IRAG2: variants seen among roughly 807,000 people sequenced by gnomAD.
IRAG2 encodes lymphoid restricted membrane protein.
A neutral mutation model predicts 69.9 loss-of-function variants in IRAG2; 45 were observed. The observed-to-expected ratio is 0.64, with a 90% CI of 0.51 to 0.83. IRAG2 has a LOEUF of 0.83. IRAG2 is among the 40% of genes least tolerant of loss of function. The pLI is 0.00. For missense variants in IRAG2, 520 were observed against 587.0 expected (o/e 0.89, Z 1.18); for synonymous variants, 193 against 202.4 (o/e 0.95, Z 0.40).
upstream of IRAG2, among the ~76,000 whole-genome samples, chr12:25,001,617 TGACAGGAGGG>T (rs1453952127): frequency 6.6e-6 from 1 of 152,104 alleles, no homozygotes; most frequent in Non-Finnish European, 1.5e-5. Context: ...CATCATTCAG[TGACAGGAGGG>T]GACAGGATTT....
chr12:25,038,749 G>T (rs860884), intron 16 of IRAG2, among the ~76,000 whole-genome samples: 79,307 of 151,962 alleles, frequency 0.52, 20,866 homozygotes, highest in Admixed American at 0.59. Flanking sequence ...GCCTTAGAGA[G>T]CCTCTAGTAA....
chr12:25,086,314 C>T (rs934868962), intron 10 of IRAG2, among the ~76,000 whole-genome samples: 4 of 152,058 alleles, frequency 2.6e-5, no homozygotes, highest in African/African-American at 9.7e-5. Context: ...AGGCTTATGG[C>T]TTAACCTACC....
At chr12:25,045,425 G>A (rs1453420486) in intron 16 of IRAG2, among the ~76,000 whole-genome samples, 2 of 151,844 alleles carry the variant, frequency 1.3e-5, no homozygotes, top group African/African-American at 4.8e-5. Context: ...GTTTAAAATA[G>A]AAAAGCAATT....
At chr12:25,015,105 A>AAAAAAAAAAAAC (rs1944513118) in intron 3 of IRAG2, 1 of 355,044 alleles carries the variant, frequency 2.8e-6, no homozygotes, top group Non-Finnish European at 4.0e-6. Flanking sequence ...AAAAAAAAAA[A>AAAAAAAAAAAAC]AAAAAAAGAC....
intron 10 of IRAG2, among the ~76,000 whole-genome samples, chr12:25,086,311 T>C (rs1183832491): frequency 6.6e-6 from 1 of 152,168 alleles, no homozygotes; most frequent in African/African-American, 2.4e-5. Context: ...CCCAGGCTTA[T>C]GGCTTAACCT....
chr12:25,104,493 G>T, intron 20 of IRAG2, 31 bp downstream of exon 20: 1 of 1,200,266 alleles, frequency 8.3e-7, no homozygotes, highest in Non-Finnish European at 1.2e-6. Flanking sequence ...TTATTAACCT[G>T]ACATGAACTG....
At chr12:25,037,840 G>A (rs1944713879) in intron 15 of IRAG2, 6 of 395,754 alleles carry the variant, frequency 1.5e-5, no homozygotes, top group Admixed American at 1.3e-4. Flanking sequence ...TTGAGAATTG[G>A]TACTCATTGA....
At chr12:25,016,576 A>T (rs1944530591) in intron 5 of IRAG2, among the ~76,000 whole-genome samples, 1 of 152,120 alleles carries the variant, frequency 6.6e-6, no homozygotes, top group African/African-American at 2.4e-5. Flanking sequence ...CAGCCTGGCC[A>T]ACATGGTGAA....
chr12:25,009,722 G>T (rs2139818756), intron 2 of IRAG2, among the ~76,000 whole-genome samples: 1 of 152,094 alleles, frequency 6.6e-6, no homozygotes, highest in Middle Eastern at 3.4e-3. Context: ...AGAACCAGGA[G>T]AGCTGCTGGT....
rs2139884232 is a variant in IRAG2 at position 25,052,797 on chromosome 12, A to C, written c.-606A>C. On this transcript the variant is annotated 5_prime_UTR_variant, in exon 1 of 22. Transcript: ENST00000556887. ...AGCACTAACTATCCATGTCCAGGGT[A>C]AGGATCGAGATCGAGAAGCCCACAC... is the stretch of plus-strand genomic sequence containing the variant. The C allele has an allele frequency of 2.5e-6, 1 of 398,650 alleles. No homozygotes were observed. The allele number at this position is 398,650 out of a possible 1,614,324, so 24.7% of individuals were successfully genotyped here. A position where few individuals can be genotyped will look rare whatever the true frequency, so the allele number is the denominator to read the frequency against.
At chr12:25,053,668 C>T (rs770129097) in intron 1 of IRAG2, among the ~76,000 whole-genome samples, 3 of 151,820 alleles carry the variant, frequency 2.0e-5, no homozygotes, top group Admixed American at 2.0e-4. Context: ...ACTTATTTAG[C>T]CATTTATCAG....
At position 25,088,163 on chromosome 12, in the gene IRAG2, G is replaced by A; in HGVS notation, c.373+6G>A. 5 of 1,611,232 alleles carry A rather than the reference G, an allele frequency of 3.1e-6. No homozygotes were observed. Among genetic ancestry groups the A allele is most frequent in the East Asian group, 2.2e-5 (1 of 44,824 alleles). On this transcript the variant is annotated splice_donor_region_variant and intron_variant, in intron 11 of 21. Transcript: ENST00000556887. Reference sequence around the variant, plus strand: ...AAAAGAACATGCTTCAGGAGGTAAGGAATGTTTCTTTCAATCCCCATGTGA... The same window carrying A: ...AAAAGAACATGCTTCAGGAGGTAAGAAATGTTTCTTTCAATCCCCATGTGA...
intron 6 of IRAG2, among the ~76,000 whole-genome samples, chr12:25,019,232 A>G (rs1432384704): frequency 3.3e-5 from 5 of 152,230 alleles, no homozygotes; most frequent in African/African-American, 1.2e-4. Flanking sequence ...AGCATTTGCC[A>G]TCTATGGACA....
upstream of IRAG2, among the ~76,000 whole-genome samples, chr12:25,003,909 A>G (rs1944411341): frequency 6.6e-6 from 1 of 152,248 alleles, no homozygotes. Context: ...CCTATTATAA[A>G]TAAAAAGCAA....
chr12:25,095,256 T>C (rs2140202045), intron 14 of IRAG2, among the ~76,000 whole-genome samples: 1 of 152,272 alleles, frequency 6.6e-6, no homozygotes, highest in Middle Eastern at 3.4e-3. Flanking sequence ...CTATTTCTAT[T>C]TTTTTAAATT....
rs192307796 is a variant in IRAG2, at chr12:25,006,172, A to G, written c.688+818A>G. 2.2e-4 allele frequency: 33 copies of G among 152,350 alleles called. No homozygotes were observed. The East Asian group carries it at 6.0e-3, about 28-fold the overall frequency. 9.4% of individuals were successfully genotyped at this position (152,350 alleles called of 1,614,324 possible). On this transcript the variant is annotated intron_variant, in intron 2 of 38. Transcript: ENST00000636465. The stretch of plus-strand genomic sequence containing the variant: ...TAGAGAAATGCAAATCAAAACTGCA[A>G]TGAGATACCATCTCACACCAGTCAG...
intron 14 of IRAG2, chr12:25,090,924 G>T: frequency 4.5e-6 from 2 of 442,698 alleles, no homozygotes; most frequent in Admixed American, 2.5e-5. Flanking sequence ...GAAAGAGAAT[G>T]GTAACTGATT....
upstream of IRAG2, among the ~76,000 whole-genome samples, chr12:25,050,548 CAAACAAA>C (rs1944843530): frequency 4.0e-5 from 3 of 74,180 alleles, 1 homozygote; most frequent in Non-Finnish European, 8.1e-5. Context: ...AACAAACAAA[CAAACAAA>C]AAAAAACAGT....
At chr12:25,047,875 G>T (rs1259083663), upstream of IRAG2, among the ~76,000 whole-genome samples, 2 of 152,096 alleles carry the variant, frequency 1.3e-5, no homozygotes, top group Admixed American at 6.5e-5. Flanking sequence ...TGGGCATTTT[G>T]GTTGACTCCA....
Sources: allele counts gnomAD v4.1 joint callset (sites outside exome capture counted in the v4.1 genomes callset), GRCh38; gene constraint gnomAD v4.1.1; transcripts MANE v1.5; gene names NCBI Gene and HGNC (gene_info 2026-07-23, HGNC 2026-07-21).